KMT2A: variants seen among roughly 807,000 people sequenced by gnomAD.
The protein encoded by KMT2A is lysine methyltransferase 2A, also known as histone-lysine N-methyltransferase 2A.
In KMT2A, 16 loss-of-function variants were observed where a neutral mutation model predicts 345.3. The ratio of observed to expected loss-of-function variants is 0.05; its 90% confidence interval spans 0.03 to 0.07. The LOEUF (loss-of-function observed/expected upper bound fraction) is 0.07. Among genes scored for constraint, KMT2A ranks in the 10% least tolerant of loss-of-function variants. The probability of loss-of-function intolerance (pLI) is 1.00; values close to 1 mark genes in which losing one functional copy is unlikely to be tolerated. For missense variants in KMT2A, 3,272 were observed against 4,841.6 expected (o/e 0.68, Z 9.62); for synonymous variants, 1,599 against 1,778.6 (o/e 0.90, Z 2.54).
At chr11:118,454,362 G>A (rs967351996) in intron 1 of KMT2A, among the ~76,000 whole-genome samples, 28 of 152,244 alleles carry the variant, frequency 1.8e-4, no homozygotes, top group African/African-American at 6.7e-4. Flanking sequence ...GCCTTTTTCT[G>A]TCTGTCATGC....
chr11:118,458,849 A>T (rs185140096), intron 1 of KMT2A, among the ~76,000 whole-genome samples: 2 of 152,256 alleles, frequency 1.3e-5, no homozygotes, highest in Admixed American at 1.3e-4. Flanking sequence ...TGCCTCCTGG[A>T]TATTTCTTCA....
intron 3 of KMT2A, among the ~76,000 whole-genome samples, chr11:118,475,926 A>G (rs958734312): frequency 4.6e-5 from 7 of 151,562 alleles, no homozygotes; most frequent in Non-Finnish European, 4.4e-5. Flanking sequence ...TTTTTTTGAG[A>G]CGGAATTTCG....
At position 118,526,465 on chromosome 11, in the gene KMT2A, A is replaced by G. The variant is rs191454309; in HGVS notation, c.*4293A>G. On this transcript the variant is annotated 3_prime_UTR_variant, in exon 36 of 36. Coordinates refer to ENST00000534358, the MANE Select transcript of KMT2A (RefSeq NM_001197104.2). ...TACAGGTAGTTGAATAATTGTTTCA[A>G]GAGCTCAACAGATGACAAGCTTCTT... 5 of 229,680 alleles carry G rather than the reference A, an allele frequency of 2.2e-5. No homozygotes were observed. The highest frequency in any genetic ancestry group is 6.6e-5 in the African/African-American group (3 of 45,312). 14.2% of individuals were successfully genotyped at this position (229,680 alleles called of 1,614,324 possible). A position where few individuals can be genotyped will look rare whatever the true frequency, so the allele number is the denominator to read the frequency against.
rs2134154963 is a variant in KMT2A, at chr11:118,436,868, C to T, written c.356C>T (p.Ser119Leu). 1.9e-6 allele frequency: 3 copies of T among 1,593,636 alleles called. No individual in the cohort carries two copies. Among genetic ancestry groups the T allele is most frequent in the Non-Finnish European group, 2.6e-6 (3 of 1,170,894 alleles). The part of the protein sequence containing the change: ...GPGFDAALQV[S>L]AAIGTNLRRF... ...GGCTTCGACGCGGCGCTGCAGGTCTCGGCCGCCATCGGCACCAACCTGCGC... is the reference window on the plus strand; with the variant it reads ...GGCTTCGACGCGGCGCTGCAGGTCTTGGCCGCCATCGGCACCAACCTGCGC... Residue 119 changes from serine to leucine, a missense_variant, in exon 1 of 36, where the codon TCG (serine) becomes TTG (leucine). Physicochemically the swap from Ser to Leu is moderately radical, Grantham distance 145 (BLOSUM62 -2). This residue lies in a region of KMT2A where 412 missense variants were observed against 511.0 expected (regional missense o/e 0.81). Transcript: ENST00000534358. This position sits in a 1 kb window ranked among gnomAD's most constrained non-coding sequence, Gnocchi z 6.9.
chr11:118,470,679 GT>G (rs534092128), intron 2 of KMT2A, among the ~76,000 whole-genome samples: 185 of 152,286 alleles, frequency 1.2e-3, no homozygotes, highest in African/African-American at 4.4e-3. Flanking sequence ...TTAGCAAGCA[GT>G]TCCATTGTAA....
intron 1 of KMT2A, chr11:118,448,716 T>G (rs1351863024): frequency 6.6e-6 from 1 of 152,206 alleles, no homozygotes; most frequent in Non-Finnish European, 1.5e-5. Context: ...TTATACATCT[T>G]AAGTATTTTT....
At chr11:118,444,465 G>A (rs1555026627) in intron 1 of KMT2A, among the ~76,000 whole-genome samples, 1 of 152,188 alleles carries the variant, frequency 6.6e-6, no homozygotes, top group Non-Finnish European at 1.5e-5. Flanking sequence ...AATCTGTAGT[G>A]GTGTGAGATC....
chr11:118,516,266 C>T (rs1950811687), intron 31 of KMT2A, among the ~76,000 whole-genome samples: 1 of 152,136 alleles, frequency 6.6e-6, no homozygotes. Context: ...GACAGGAAAT[C>T]TGGAATCTCT....
At chr11:118,489,323 T>G (rs187579316) in intron 11 of KMT2A, among the ~76,000 whole-genome samples, 1 of 151,866 alleles carries the variant, frequency 6.6e-6, no homozygotes. Context: ...TGGGCATCCA[T>G]GGACTTTGGT....
chr11:118,490,025 G>T lies in KMT2A; in HGVS notation c.4576-104G>T. On this transcript the variant is annotated intron_variant, in intron 12 of 35. Transcript: ENST00000534358. The surrounding 1 kb of genome is among the most constrained non-coding windows in gnomAD (Gnocchi z 4.2). ...GCCTCATTACTAGGAAATCATCTCAGCAGAGAAATTAAATCTATAAATGGA... is the reference window on the plus strand; with the variant it reads ...GCCTCATTACTAGGAAATCATCTCATCAGAGAAATTAAATCTATAAATGGA... 1 of 1,435,816 alleles carries T rather than the reference G, an allele frequency of 7.0e-7. No homozygotes were observed. Among genetic ancestry groups the T allele is most frequent in the Non-Finnish European group, 9.6e-7 (1 of 1,046,694 alleles). The allele number at this position is 1,435,816 out of a possible 1,614,324, so 88.9% of individuals were successfully genotyped here.
rs1186580008 is a variant in KMT2A, at chr11:118,504,279, G to C, written c.8387G>C (p.Gly2796Ala). ...TCTGTAAGCAGAGTTAAAACACAGG[G>C]ACAAGATTCCTTGGAAGCTCAGCTC... The part of the protein sequence containing the change: ...CHSVSRVKTQ[G>A]QDSLEAQLSS... The change falls in exon 27 of 36, where the codon GGA (glycine) becomes GCA (alanine). Residue 2796 changes from glycine to alanine, a missense_variant. Gly to Ala is a moderately conservative substitution (Grantham distance 60). Around this residue, in one of 27 missense-constraint regions of KMT2A, gnomAD observed 100 missense variants for 101.3 expected, o/e 0.99. Coordinates refer to ENST00000534358, the MANE Select transcript of KMT2A (RefSeq NM_001197104.2). This position sits in a 1 kb window ranked among gnomAD's most constrained non-coding sequence, Gnocchi z 6.4. 1.2e-6 allele frequency: 2 copies of C among 1,614,078 alleles called. No homozygotes were observed. Among genetic ancestry groups the C allele is most frequent in the Non-Finnish European group, 1.7e-6 (2 of 1,180,032 alleles).
intron 11 of KMT2A, among the ~76,000 whole-genome samples, 154 bp downstream of exon 11, chr11:118,488,914 C>T (rs1429662829): frequency 2.6e-5 from 4 of 152,194 alleles, no homozygotes; most frequent in African/African-American, 4.8e-5. Flanking sequence ...TCATTATTTC[C>T]TAAACAATAC....
rs868938372 is a variant in KMT2A at position 118,495,190 on chromosome 11, C to G, written c.5363+423C>G. ...TTTTTTTTTTTTTGAGACGGAGTCT[C>G]GTTCTGTCACCAGGCTGGAGTGCAG... On this transcript the variant is annotated intron_variant, in intron 18 of 35. Coordinates refer to ENST00000534358, the MANE Select transcript of KMT2A (RefSeq NM_001197104.2). This position sits in a 1 kb window ranked among gnomAD's most constrained non-coding sequence, Gnocchi z 4.1. Among the ~76,000 whole-genome samples the G allele has an allele frequency of 2.7e-4, 40 of 149,768 alleles. No homozygotes were observed. The highest frequency in any genetic ancestry group is 3.4e-3 in the Middle Eastern group (1 of 294).
At chr11:118,509,883 C>CTACATGTAGAGTACTT in intron 29 of KMT2A, 65 bp from the exon 30 acceptor site, 5 of 1,184,658 alleles carry the variant, frequency 4.2e-6, no homozygotes, top group Non-Finnish European at 6.0e-6. Context: ...GTAAAGTACT[C>CTACATGTAGAGTACTT]TACATGTAGT....
chr11:118,503,540 C>T lies in KMT2A; in HGVS notation c.7648C>T (p.Pro2550Ser), dbSNP rs1555046723. The change falls in exon 27 of 36, where the codon CCT becomes TCT. Residue 2550 changes from proline to serine, a missense_variant. This residue lies in a region of KMT2A where 445 missense variants were observed against 500.9 expected (regional missense o/e 0.89). Coordinates refer to ENST00000534358, the MANE Select transcript of KMT2A (RefSeq NM_001197104.2). The surrounding 1 kb of genome is among the most constrained non-coding windows in gnomAD (Gnocchi z 5.3). The part of the protein sequence containing the change: ...NALKESSPAS[P>S]LQIESTSPTE... ...CCTGAAAGAAAGTAGTCCTGCTTCC[C>T]CTTTGCAAATAGAGTCAACATCTCC... 1.2e-6 allele frequency: 2 copies of T among 1,613,992 alleles called. No homozygotes were observed. Among genetic ancestry groups the T allele is most frequent in the African/African-American group, 2.7e-5 (2 of 74,910 alleles).
intron 1 of KMT2A, among the ~76,000 whole-genome samples, chr11:118,463,228 GATTACAGGC>G (rs1949780888): frequency 6.6e-6 from 1 of 151,786 alleles, no homozygotes; most frequent in Admixed American, 6.6e-5. Flanking sequence ...AAAGTGCTGG[GATTACAGGC>G]ATGAGCCACT....
rs561284345 is a variant in KMT2A at position 118,485,368 on chromosome 11, GA to G, written c.4332+402del. On this transcript the variant is annotated intron_variant, in intron 10 of 35. Coordinates refer to ENST00000534358, the MANE Select transcript of KMT2A (RefSeq NM_001197104.2). ...TAATAAGAAAAAGGAATGACATCCA[GA>G]AAAAAAAATAGGCAAAAGACAGAAA... 8.0e-5 allele frequency among the ~76,000 whole-genome samples: 12 copies of G among 150,100 alleles called. No individual in the cohort carries two copies. In the East Asian group the frequency reaches 1.9e-3, roughly 24 times the overall value.
chr11:118,456,267 G>A (rs1949640650), intron 1 of KMT2A, among the ~76,000 whole-genome samples: 1 of 152,036 alleles, frequency 6.6e-6, no homozygotes, highest in South Asian at 2.1e-4. Flanking sequence ...TGGGAGGATT[G>A]CTTGAGCTCA....
chr11:118,517,450 T>C (rs1219021029), intron 31 of KMT2A, among the ~76,000 whole-genome samples: 4 of 151,624 alleles, frequency 2.6e-5, no homozygotes, highest in Admixed American at 6.6e-5. Flanking sequence ...TTGCCTTATA[T>C]GGCTTAAGTT....
Sources: allele counts gnomAD v4.1 joint callset (sites outside exome capture counted in the v4.1 genomes callset), GRCh38; gene constraint gnomAD v4.1.1; regional missense constraint gnomAD v4.1.1; non-coding constraint Gnocchi (gnomAD v3.1); transcripts MANE v1.5; gene names NCBI Gene and HGNC (gene_info 2026-07-23, HGNC 2026-07-21).